The following DGKB variants were observed in gnomAD, a reference collection of about 807,000 sequenced individuals.
DGKB encodes the protein 90 kDa diacylglycerol kinase.
DGKB carries 67 observed loss-of-function variants against 114.3 expected under a neutral mutation model. The observed-to-expected ratio is 0.59, with a 90% CI of 0.48 to 0.72. The LOEUF is 0.72. DGKB is among the 30% of genes least tolerant of loss of function. The pLI is 0.00. For synonymous variants in DGKB, 398 were observed against 323.1 expected (o/e 1.23, Z -2.49); for missense variants, 907 against 975.2 (o/e 0.93, Z 0.93).
intron 1 of DGKB, among the ~76,000 whole-genome samples, chr7:14,845,106 CAAAAAAAAAAAAAAAAAAA>C (rs59367496): frequency 7.8e-5 from 7 of 89,266 alleles, no homozygotes; most frequent in Admixed American, 1.2e-4. Flanking sequence ...GGCCCTGTGT[CAAAAAAAAAAAAAAAAAAA>C]AAAAAAAAAA....
At chr7:14,471,533 A>T (rs913801002) in intron 21 of DGKB, among the ~76,000 whole-genome samples, 2 of 150,698 alleles carry the variant, frequency 1.3e-5, no homozygotes, top group Non-Finnish European at 3.0e-5. Flanking sequence ...GCACAAACTA[A>T]TCTATAAGTA....
At chr7:14,947,384 T>C (rs1785942591) in intron 1 of DGKB, among the ~76,000 whole-genome samples, 1 of 151,732 alleles carries the variant, frequency 6.6e-6, no homozygotes, top group African/African-American at 2.4e-5. Flanking sequence ...TTGTTTCTGG[T>C]TGAATTATTG....
At chr7:14,861,728 G>C (rs193109184) in intron 1 of DGKB, among the ~76,000 whole-genome samples, 3 of 151,876 alleles carry the variant, frequency 2.0e-5, no homozygotes, top group Admixed American at 6.6e-5. Context: ...CTATTTATTT[G>C]TCTGTGCTTG....
chr7:14,401,587 C>T (rs1823110874), intron 21 of DGKB, among the ~76,000 whole-genome samples: 1 of 151,852 alleles, frequency 6.6e-6, no homozygotes, highest in Non-Finnish European at 1.5e-5. Context: ...AAGGCCATCA[C>T]CTGATGAGAT....
intron 23 of DGKB, among the ~76,000 whole-genome samples, chr7:14,302,300 G>A (rs1441282924): frequency 2.0e-5 from 3 of 152,006 alleles, no homozygotes; most frequent in Non-Finnish European, 4.4e-5. Context: ...CTGTGTTACT[G>A]CCAATCTTCC....
chr7:14,566,399 A>G (rs978572792), intron 20 of DGKB, among the ~76,000 whole-genome samples: 1 of 152,190 alleles, frequency 6.6e-6, no homozygotes, highest in Non-Finnish European at 1.5e-5. Context: ...CAAAAATAAG[A>G]CATTGGCTGG....
intron 20 of DGKB, among the ~76,000 whole-genome samples, chr7:14,542,069 A>G (rs1310924637): frequency 2.6e-5 from 4 of 152,128 alleles, no homozygotes; most frequent in African/African-American, 7.2e-5. Context: ...ACTCTTCTTA[A>G]AACACCATTC....
intron 1 of DGKB, among the ~76,000 whole-genome samples, chr7:14,872,881 C>A (rs1169971338): frequency 1.3e-5 from 2 of 150,670 alleles, no homozygotes; most frequent in African/African-American, 4.9e-5. Context: ...AAAGATTTTC[C>A]AATTTAAAAA....
At chr7:14,799,644 A>T (rs890152516) in intron 2 of DGKB, among the ~76,000 whole-genome samples, 1 of 152,284 alleles carries the variant, frequency 6.6e-6, no homozygotes, top group South Asian at 2.1e-4. Flanking sequence ...TAACGGGCCT[A>T]TTTGGATTTT....
intron 21 of DGKB, among the ~76,000 whole-genome samples, chr7:14,363,029 G>A (rs1019201724): frequency 6.6e-6 from 1 of 152,082 alleles, no homozygotes; most frequent in African/African-American, 2.4e-5. Context: ...CCCCCTCTTG[G>A]AGCATTGTCA....
At chr7:14,186,636 A>C (rs112293610) in intron 23 of DGKB, among the ~76,000 whole-genome samples, 61,527 of 152,050 alleles carry the variant, frequency 0.4, 14,301 homozygotes, top group African/African-American at 0.65. Flanking sequence ...CATCAATCAA[A>C]GAGTGGATAA....
At chr7:14,591,129 C>T (rs1401142282) in intron 17 of DGKB, among the ~76,000 whole-genome samples, 1 of 152,064 alleles carries the variant, frequency 6.6e-6, no homozygotes, top group East Asian at 1.9e-4. Flanking sequence ...TGACTTTTCA[C>T]CCAGGAAGGC....
chr7:14,956,241 A>C (rs117248753), intron 1 of DGKB, among the ~76,000 whole-genome samples: 5,546 of 152,024 alleles, frequency 0.036, 192 homozygotes, highest in Admixed American at 0.1. Flanking sequence ...CATTTTGATA[A>C]TTTCAAATGC....
At chr7:14,736,680 G>T (rs1831774450) in intron 4 of DGKB, among the ~76,000 whole-genome samples, 1 of 152,130 alleles carries the variant, frequency 6.6e-6, no homozygotes, top group Non-Finnish European at 1.5e-5. Context: ...GTAAAAAGAG[G>T]TTAACCTTAA....
chr7:14,152,937 C>CCT (rs1467166992), intron 25 of DGKB, among the ~76,000 whole-genome samples: 1 of 152,064 alleles, frequency 6.6e-6, no homozygotes, highest in African/African-American at 2.4e-5. Context: ...CCTATTTCAT[C>CCT]CACCTCTTTG....
intron 20 of DGKB, among the ~76,000 whole-genome samples, chr7:14,524,591 A>C (rs529527334): frequency 6.5e-4 from 99 of 152,116 alleles, no homozygotes; most frequent in African/African-American, 2.4e-3. Flanking sequence ...CCCTGTCCCT[A>C]CTAAAAATAG....
intron 15 of DGKB, among the ~76,000 whole-genome samples, chr7:14,619,980 G>A (rs1338216476): frequency 1.3e-5 from 2 of 151,382 alleles, no homozygotes; most frequent in Non-Finnish European, 3.0e-5. Flanking sequence ...TTCATTCCAG[G>A]AACCCAGAGT....
intron 2 of DGKB, among the ~76,000 whole-genome samples, chr7:14,796,942 G>A (rs1841495356): frequency 6.6e-6 from 1 of 151,924 alleles, no homozygotes; most frequent in African/African-American, 2.4e-5. Context: ...AATCTTTAAA[G>A]GCAAAATTAC....
At chr7:14,837,546 A>G (rs532336872) in intron 2 of DGKB, among the ~76,000 whole-genome samples, 1 of 152,322 alleles carries the variant, frequency 6.6e-6, no homozygotes, top group African/African-American at 2.4e-5. Context: ...CTTTAAATCA[A>G]TAACTTGATT....
Sources: gnomAD v4.1 joint callset for allele counts (sites outside exome capture counted in the v4.1 genomes callset) on GRCh38, gnomAD v4.1.1 for gene constraint, MANE v1.5 for transcripts, NCBI Gene and HGNC (gene_info 2026-07-23, HGNC 2026-07-21) for gene names.